The following SDK1 variants were observed in gnomAD, a reference collection of about 807,000 sequenced individuals.
The protein encoded by SDK1 is sidekick cell adhesion molecule 1, also known as protein sidekick-1.
Under a neutral mutation model 245.5 loss-of-function variants are expected in SDK1, and 157 were observed. The ratio of observed to expected loss-of-function variants is 0.64; its 90% CI spans 0.56 to 0.73. The LOEUF is 0.73. SDK1 is among the 30% of genes least tolerant of loss of function. SDK1 has a pLI of 0.00. For synonymous variants in SDK1, 1,647 were observed against 1,278.5 expected (o/e 1.29, Z -6.15); for missense variants, 3,583 against 3,002.3 (o/e 1.19, Z -4.52).
At chr7:3,963,037 C>T (rs1463639921) in intron 9 of SDK1, among the ~76,000 whole-genome samples, 186 bp downstream of exon 9, 1 of 136,056 alleles carries the variant, frequency 7.3e-6, no homozygotes, top group Non-Finnish European at 1.6e-5. Flanking sequence ...CCCAGGCTCA[C>T]AGCTACCTGA....
intron 4 of SDK1, among the ~76,000 whole-genome samples, chr7:3,642,511 A>G (rs535726293): frequency 2.0e-5 from 3 of 152,016 alleles, no homozygotes; most frequent in South Asian, 2.1e-4. Flanking sequence ...TTATTGAGCC[A>G]TGTTTGATAC....
At position 4,237,691 on chromosome 7, in the gene SDK1, G is replaced by A; in HGVS notation, c.6037G>A (p.Val2013Met). ...CTACGAGGAGTGGTGGTTCCTCCTG[G>A]TGATGGCTCTGTCCAGCCTGATCGT... ...PFYEEWWFLL[V>M]MALSSLIVIL... The change falls in exon 42 of 45, where the codon GTG becomes ATG. Residue 2013 changes from valine to methionine, a missense_variant. By Grantham distance (21) the Val-to-Met change is conservative. Coordinates refer to ENST00000404826, the MANE Select transcript of SDK1 (RefSeq NM_152744.4). 4 of 1,614,096 alleles carry A rather than the reference G, an allele frequency of 2.5e-6. No homozygotes were observed. The highest frequency in any genetic ancestry group is 2.2e-5 in the East Asian group (1 of 44,868).
chr7:3,562,012 T>A (rs373226581), intron 1 of SDK1, among the ~76,000 whole-genome samples: 1 of 152,342 alleles, frequency 6.6e-6, no homozygotes, highest in Admixed American at 6.5e-5. Context: ...TAAGCATTCA[T>A]AAATATTTTA....
At chr7:3,662,236 C>A (rs1474490498) in intron 4 of SDK1, among the ~76,000 whole-genome samples, 1 of 152,038 alleles carries the variant, frequency 6.6e-6, no homozygotes, top group African/African-American at 2.4e-5. Context: ...TGAAATGGGT[C>A]CTACGGGAAA....
intron 5 of SDK1, among the ~76,000 whole-genome samples, chr7:3,874,538 C>T (rs1425210667): frequency 1.3e-5 from 2 of 152,162 alleles, no homozygotes; most frequent in Admixed American, 1.3e-4. Context: ...TCCTTCCCTA[C>T]CTGTCATGCT....
chr7:3,890,285 T>A (rs1025687973), intron 5 of SDK1, among the ~76,000 whole-genome samples: 7 of 152,336 alleles, frequency 4.6e-5, no homozygotes, highest in Admixed American at 3.3e-4. Flanking sequence ...GCACTTACAA[T>A]GTGGTACAAT....
chr7:3,508,012 C>T (rs2128610497), intron 1 of SDK1, among the ~76,000 whole-genome samples: 1 of 152,166 alleles, frequency 6.6e-6, no homozygotes, highest in South Asian at 2.1e-4. Flanking sequence ...CTTTCCTGAC[C>T]CCATATTTTC....
At position 3,761,045 on chromosome 7, in the gene SDK1, A is replaced by G. The variant is rs1305849680; in HGVS notation, c.714-60405A>G. On this transcript the variant is annotated intron_variant, in intron 4 of 44. Transcript: ENST00000404826. ...TTTTGGGAACTTACATTTTCAATTC[A>G]CTTGAGTTAGATACGTAGGAGTGGG... is the stretch of plus-strand genomic sequence containing the variant. Among the ~76,000 whole-genome samples the G allele has an allele frequency of 1.3e-5, 2 of 152,182 alleles. 1 individual carries two copies. Among genetic ancestry groups the G allele is most frequent in the African/African-American group, 4.8e-5 (2 of 41,450 alleles).
intron 4 of SDK1, among the ~76,000 whole-genome samples, chr7:3,665,047 G>A (rs1020489186): frequency 9.9e-5 from 15 of 152,212 alleles, no homozygotes; most frequent in African/African-American, 1.7e-4. Context: ...TTACCTGAAA[G>A]TAGAGAAATG....
intron 1 of SDK1, among the ~76,000 whole-genome samples, chr7:3,580,030 A>G (rs1399134908): frequency 6.6e-6 from 1 of 152,166 alleles, no homozygotes; most frequent in Non-Finnish European, 1.5e-5. Context: ...AGGGAATGCA[A>G]TCCCATTCTC....
intron 4 of SDK1, among the ~76,000 whole-genome samples, chr7:3,798,740 C>T (rs561776261): frequency 6.6e-5 from 10 of 152,240 alleles, no homozygotes; most frequent in Admixed American, 5.9e-4. Context: ...TCTCTTAGCC[C>T]GGCCCACATG....
chr7:3,527,898 G>A (rs1783201140), intron 1 of SDK1, among the ~76,000 whole-genome samples: 1 of 150,078 alleles, frequency 6.7e-6, no homozygotes, highest in South Asian at 2.1e-4. Context: ...ATGGTAGGAG[G>A]TAAGGTTGGA....
chr7:3,622,270 G>T (rs1339511371), intron 2 of SDK1, among the ~76,000 whole-genome samples: 1 of 152,104 alleles, frequency 6.6e-6, no homozygotes, highest in Non-Finnish European at 1.5e-5. Flanking sequence ...TTGAGGTCAG[G>T]AGTTCGACAC....
intron 19 of SDK1, among the ~76,000 whole-genome samples, chr7:4,055,897 T>C (rs1193328995): frequency 6.6e-6 from 1 of 152,200 alleles, no homozygotes; most frequent in African/African-American, 2.4e-5. Context: ...CATGAATTAA[T>C]TGGAAGTGTG....
chr7:3,807,039 T>G (rs958434706), intron 4 of SDK1, among the ~76,000 whole-genome samples: 4 of 152,220 alleles, frequency 2.6e-5, no homozygotes, highest in Non-Finnish European at 5.9e-5. Context: ...GTTGTCATCT[T>G]ATTTTCTCAT....
At chr7:3,372,128 T>C (rs557688642) in intron 1 of SDK1, among the ~76,000 whole-genome samples, 1 of 152,306 alleles carries the variant, frequency 6.6e-6, no homozygotes, top group Non-Finnish European at 1.5e-5. Context: ...TACATAAATA[T>C]GAGTTTCATC....
chr7:3,700,659 CAACA>C (rs762733679), intron 4 of SDK1, among the ~76,000 whole-genome samples: 8 of 152,136 alleles, frequency 5.3e-5, no homozygotes, highest in Non-Finnish European at 8.8e-5. Context: ...AGAACACCCA[CAACA>C]AACAAACAAA....
chr7:3,521,335 G>C (rs996206755), intron 1 of SDK1, among the ~76,000 whole-genome samples: 1 of 152,168 alleles, frequency 6.6e-6, no homozygotes, highest in Admixed American at 6.6e-5. Flanking sequence ...AGTACCTTTT[G>C]CTTTGTAAAG....
chr7:3,853,894 C>T (rs1780477333), intron 5 of SDK1, among the ~76,000 whole-genome samples: 1 of 152,094 alleles, frequency 6.6e-6, no homozygotes, highest in South Asian at 2.1e-4. Context: ...GAAGCTGAGG[C>T]AGGAGAATTG....
Sources: allele counts gnomAD v4.1 joint callset (sites outside exome capture counted in the v4.1 genomes callset), GRCh38; gene constraint gnomAD v4.1.1; transcripts MANE v1.5; gene names NCBI Gene and HGNC (gene_info 2026-07-23, HGNC 2026-07-21).